MIER2: variants seen among roughly 807,000 people sequenced by gnomAD.
MIER2 encodes the protein mesoderm induction early response protein 2.
A neutral mutation model predicts 67.6 loss-of-function variants in MIER2; 30 were observed. The ratio of observed to expected loss-of-function variants is 0.44; its 90% confidence interval spans 0.33 to 0.60. MIER2 has a LOEUF of 0.60. Among genes scored for constraint, MIER2 ranks in the 20% least tolerant of loss-of-function variants. The pLI, the probability that MIER2 is intolerant of heterozygous loss-of-function variation, is 0.02. For missense variants in MIER2, 702 were observed against 745.1 expected (o/e 0.94, Z 0.67); for synonymous variants, 372 against 312.6 (o/e 1.19, Z -2.00).
At chr19:331,869 T>C (rs1646718272) in intron 3 of MIER2, among the ~76,000 whole-genome samples, 3 of 151,808 alleles carry the variant, frequency 2.0e-5, no homozygotes, top group African/African-American at 7.3e-5. Flanking sequence ...TGGTCCCAGC[T>C]ACTCGGGAGG....
Position 308,730 on chromosome 19 carries a change from C to T in MIER2, c.1110-65G>A. ...AGACGCCCCCACCCAAGAGGTGCCG[C>T]CCAGGCGCCCACGTGCCCACCCCCG... On this transcript the variant is annotated intron_variant, in intron 11 of 13. Coordinates refer to ENST00000264819, the MANE Select transcript of MIER2 (RefSeq NM_017550.3). This position sits in a 1 kb window ranked among gnomAD's most constrained non-coding sequence, Gnocchi z 9.1. 1 of 1,593,164 alleles carries T rather than the reference C, an allele frequency of 6.3e-7. No homozygotes were observed. Among genetic ancestry groups the T allele is most frequent in the Non-Finnish European group, 8.6e-7 (1 of 1,167,024 alleles).
intron 1 of MIER2, among the ~76,000 whole-genome samples, chr19:341,245 G>A (rs905791323): frequency 4.6e-5 from 7 of 152,180 alleles, no homozygotes; most frequent in African/African-American, 1.7e-4. Context: ...GGGATGGCAG[G>A]CGACCACATC....
intron 7 of MIER2, among the ~76,000 whole-genome samples, chr19:317,134 C>G (rs1158596752): frequency 6.6e-6 from 1 of 152,194 alleles, no homozygotes; most frequent in Non-Finnish European, 1.5e-5. Flanking sequence ...GTGGCTCACG[C>G]CTGTAATCCC....
chr19:320,818 A>T (rs749882139), intron 7 of MIER2, among the ~76,000 whole-genome samples: 1 of 152,236 alleles, frequency 6.6e-6, no homozygotes, highest in Non-Finnish European at 1.5e-5. Flanking sequence ...GTCTCACTGG[A>T]TCTGCCTTGT....
intron 1 of MIER2, among the ~76,000 whole-genome samples, chr19:340,265 GTACAGTTGACCCTTGAACAA>G (rs1202396807): frequency 2.6e-5 from 4 of 152,200 alleles, no homozygotes; most frequent in Non-Finnish European, 5.9e-5. Flanking sequence ...ACAACGGCTA[GTACAGTTGACCCTTGAACAA>G]CGCAGGGGTT....
intron 7 of MIER2, among the ~76,000 whole-genome samples, chr19:315,830 C>A (rs1478860276): frequency 6.6e-6 from 1 of 152,200 alleles, no homozygotes; most frequent in Non-Finnish European, 1.5e-5. Context: ...TGATACCAAC[C>A]CACAGAGCCA....
In MIER2 at chr19:312,400, C is replaced by T. The variant is rs1971059986; in HGVS notation, c.808-128G>A. On this transcript the variant is annotated intron_variant, in intron 8 of 13. Coordinates refer to ENST00000264819, the MANE Select transcript of MIER2 (RefSeq NM_017550.3). The stretch of plus-strand genomic sequence containing the variant: ...ACCCTCCTGGGCGATGTCAGAGCCA[C>T]CTACACCTCTATCCAGGGAGTGACA... The T allele has an allele frequency of 1.6e-5, 12 of 771,454 alleles. No individual in the cohort carries two copies. In the Middle Eastern group the frequency reaches 8.1e-4, roughly 52 times the overall value. 47.8% of individuals were successfully genotyped at this position (771,454 alleles called of 1,614,324 possible).
intron 10 of MIER2, among the ~76,000 whole-genome samples, chr19:310,574 A>G (rs1970921565): frequency 6.6e-6 from 1 of 150,838 alleles, no homozygotes; most frequent in Non-Finnish European, 1.5e-5. Flanking sequence ...AGCTATAGAA[A>G]CACGGCCGGG....
At chr19:327,731 G>A in intron 4 of MIER2, 133 bp downstream of exon 4, 1 of 1,395,802 alleles carries the variant, frequency 7.2e-7, no homozygotes, top group South Asian at 1.4e-5. Flanking sequence ...CCAGGGTAGT[G>A]GTCACAGGTA....
At chr19:343,342 T>A (rs1972586131) in intron 1 of MIER2, among the ~76,000 whole-genome samples, 1 of 152,156 alleles carries the variant, frequency 6.6e-6, no homozygotes. Context: ...GACCACCACG[T>A]CGCTGCAGGG....
intron 1 of MIER2, among the ~76,000 whole-genome samples, chr19:340,890 G>A (rs1156688829): frequency 6.6e-6 from 1 of 152,132 alleles, no homozygotes; most frequent in Non-Finnish European, 1.5e-5. Context: ...AGAGCCAGCA[G>A]GGCCCCCAGG....
intron 7 of MIER2, among the ~76,000 whole-genome samples, chr19:323,402 A>C (rs1971586422): frequency 6.6e-6 from 1 of 151,826 alleles, no homozygotes; most frequent in African/African-American, 2.4e-5. Context: ...GACTCAAAGA[A>C]CAGACATCAT....
Position 308,531 on chromosome 19 carries a change from A to T in MIER2, c.1198+46T>A, listed in dbSNP as rs1173924612. 1 of 1,532,920 alleles carries T rather than the reference A, an allele frequency of 6.5e-7. No individual in the cohort carries two copies. Among genetic ancestry groups the T allele is most frequent in the South Asian group, 1.2e-5 (1 of 83,518 alleles). 95.0% of individuals were successfully genotyped at this position (1,532,920 alleles called of 1,614,324 possible). A position where few individuals can be genotyped will look rare whatever the true frequency, so the allele number is the denominator to read the frequency against. ...TCCACCGGGCCTCACTCACGGCTCC[A>T]GACCCGTGGCCGCCCCCAGGGCAGG... On this transcript the variant is annotated intron_variant, in intron 12 of 13. Transcript: ENST00000264819. This position sits in a 1 kb window ranked among gnomAD's most constrained non-coding sequence, Gnocchi z 9.1.
Position 334,614 on chromosome 19 carries a change from C to T in MIER2, c.101-72G>A, listed in dbSNP as rs1054788018. ...CCAACCATCCTGCCGAGACTACTGA[C>T]GCCTGGTGAAGCCCTAAGGATGAGG... On this transcript the variant is annotated intron_variant, in intron 2 of 13. Transcript: ENST00000264819. The T allele has an allele frequency of 2.3e-5, 36 of 1,562,126 alleles. No individual in the cohort carries two copies. The Admixed American group carries it at 2.7e-4, about 12-fold the overall frequency.
chr19:341,568 C>T (rs1180343981), intron 1 of MIER2, among the ~76,000 whole-genome samples: 1 of 152,128 alleles, frequency 6.6e-6, no homozygotes, highest in Non-Finnish European at 1.5e-5. Context: ...GATCTTCTTC[C>T]TCCCGCTGCC....
chr19:307,663 T>G, intron 12 of MIER2, 127 bp from the exon 13 acceptor site: 1 of 1,000,838 alleles, frequency 1.0e-6, no homozygotes, highest in Non-Finnish European at 1.4e-6. Context: ...TCCACACAAA[T>G]ACAAAAGACA....
chr19:312,182 G>A lies in MIER2; in HGVS notation c.889+9C>T, dbSNP rs771045461. Reference sequence around the variant, plus strand: ...CCGCAGCGGAAGGAAGGCCCAGACCGCTGCTCACCTCGGATCACCTTCACG... The same window carrying A: ...CCGCAGCGGAAGGAAGGCCCAGACCACTGCTCACCTCGGATCACCTTCACG... On this transcript the variant is annotated intron_variant, in intron 9 of 13. Transcript: ENST00000264819. The A allele has an allele frequency of 1.2e-5, 20 of 1,612,878 alleles. 1 individual carries two copies. Among genetic ancestry groups the A allele is most frequent in the South Asian group, 2.2e-5 (2 of 91,002 alleles).
chr19:312,301 T>C, intron 8 of MIER2, 29 bp from the exon 9 acceptor site: 5 of 1,608,514 alleles, frequency 3.1e-6, no homozygotes, highest in Non-Finnish European at 4.3e-6. Flanking sequence ...GGCTCTTCCA[T>C]GGGCTCAGCG....
intron 1 of MIER2, chr19:343,906 A>G: frequency 1.0e-6 from 1 of 985,470 alleles, no homozygotes; most frequent in Non-Finnish European, 1.2e-6. Context: ...TTCAAAAGCG[A>G]AAGTTTCTTC....
Sources: gnomAD v4.1 joint callset for allele counts (sites outside exome capture counted in the v4.1 genomes callset) on GRCh38, gnomAD v4.1.1 for gene constraint, Gnocchi (gnomAD v3.1) non-coding constraint, MANE v1.5 for transcripts, NCBI Gene and HGNC (gene_info 2026-07-23, HGNC 2026-07-21) for gene names.